HMCN1: variants seen among roughly 807,000 people sequenced by gnomAD.
HMCN1 encodes the protein hemicentin 1, also known as hemicentin-1.
Under a neutral mutation model 625.9 loss-of-function variants are expected in HMCN1, and 321 were observed. The observed-to-expected ratio is 0.51, with a 90% confidence interval of 0.47 to 0.56. The LOEUF (loss-of-function observed/expected upper bound fraction) is 0.56, where lower values mean the gene tolerates loss of function less well. Ranked by LOEUF, HMCN1 falls within the 20% of genes least tolerant of loss-of-function variation. The pLI is 0.00. For missense variants in HMCN1, 6,588 were observed against 6,887.3 expected (o/e 0.96, Z 1.54); for synonymous variants, 2,425 against 2,417.6 (o/e 1.00, Z -0.09).
intron 102 of HMCN1, among the ~76,000 whole-genome samples, chr1:186,174,017 A>AT (rs1266090319): frequency 1.3e-5 from 2 of 152,242 alleles, no homozygotes; most frequent in African/African-American, 4.8e-5. Flanking sequence ...ATAATTTATC[A>AT]TTTAAAGCTT....
intron 1 of HMCN1, among the ~76,000 whole-genome samples, chr1:185,742,312 G>A (rs543050576): frequency 3.3e-5 from 5 of 152,216 alleles, no homozygotes; most frequent in East Asian, 1.9e-4. Context: ...AAATATTGAC[G>A]TTATATATCT....
chr1:186,134,872 G>A (rs964651911), intron 86 of HMCN1, among the ~76,000 whole-genome samples: 22 of 152,002 alleles, frequency 1.4e-4, no homozygotes, highest in African/African-American at 3.1e-4. Flanking sequence ...ATGCTGCCCC[G>A]TTTGCTTTCT....
At chr1:185,860,104 C>G (rs1015335229) in intron 2 of HMCN1, among the ~76,000 whole-genome samples, 2 of 152,182 alleles carry the variant, frequency 1.3e-5, no homozygotes. Context: ...GCTTATTTTT[C>G]TTTTCAGGAC....
chr1:186,125,605 A>G lies in HMCN1; in HGVS notation c.12501A>G (p.Val4167=), dbSNP rs1286317481. ...GACTCTTTTTTAAACTCTTCATAGTACCACCCAGGATCAGAAGTACAGAAG... is the reference window on the plus strand; with the variant it reads ...GACTCTTTTTTAAACTCTTCATAGTGCCACCCAGGATCAGAAGTACAGAAG... ...SSTSTKLTVH[V]PPRIRSTEGH... Residue 4167 remains valine (V), a splice_region_variant and synonymous_variant, in exon 82 of 107, where the codon GTA becomes GTG. Coordinates refer to ENST00000271588, the MANE Select transcript of HMCN1 (RefSeq NM_031935.3). The G allele has an allele frequency of 6.2e-7, 1 of 1,611,616 alleles. No homozygotes were observed. The highest frequency in any genetic ancestry group is 8.5e-7 in the Non-Finnish European group (1 of 1,177,866).
chr1:185,759,889 G>GA (rs572325919), intron 1 of HMCN1, among the ~76,000 whole-genome samples: 247 of 152,218 alleles, frequency 1.6e-3, no homozygotes, highest in South Asian at 5.0e-3. Flanking sequence ...ATAAAGCACA[G>GA]AAGAGTAAAA....
chr1:185,787,610 C>T (rs185264333), intron 1 of HMCN1, among the ~76,000 whole-genome samples: 1 of 152,120 alleles, frequency 6.6e-6, no homozygotes, highest in Admixed American at 6.5e-5. Flanking sequence ...TCTGGCTCCC[C>T]ATCTTCCAGC....
intron 4 of HMCN1, among the ~76,000 whole-genome samples, chr1:185,882,104 G>A (rs1006481978): frequency 6.6e-6 from 1 of 152,102 alleles, no homozygotes; most frequent in Non-Finnish European, 1.5e-5. Context: ...CAGAGTTAAT[G>A]ACTTTTTTTG....
chr1:186,144,038 G>A, intron 89 of HMCN1, 135 bp from the exon 90 acceptor site: 1 of 728,890 alleles, frequency 1.4e-6, no homozygotes, highest in East Asian at 2.8e-5. Flanking sequence ...CATTTGTTAT[G>A]TTTCATTTGG....
At chr1:186,094,561 CTGTT>C (rs1660026075) in intron 67 of HMCN1, among the ~76,000 whole-genome samples, 188 bp downstream of exon 67, 1 of 152,060 alleles carries the variant, frequency 6.6e-6, no homozygotes, top group African/African-American at 2.4e-5. Flanking sequence ...ACCATATTGT[CTGTT>C]TATCAAAATA....
intron 22 of HMCN1, among the ~76,000 whole-genome samples, chr1:185,991,246 T>C (rs935622937): frequency 6.6e-6 from 1 of 152,308 alleles, no homozygotes; most frequent in Non-Finnish European, 1.5e-5. Context: ...TATAAATTCA[T>C]GCTAGTGTCA....
intron 30 of HMCN1, among the ~76,000 whole-genome samples, chr1:186,011,826 G>T (rs1342142237): frequency 1.3e-5 from 2 of 152,112 alleles, no homozygotes; most frequent in South Asian, 2.1e-4. Flanking sequence ...GTAATTTGGG[G>T]TTGGACTCAT....
At chr1:185,800,216 C>A (rs763610589) in intron 1 of HMCN1, among the ~76,000 whole-genome samples, 1 of 152,218 alleles carries the variant, frequency 6.6e-6, no homozygotes, top group East Asian at 1.9e-4. Context: ...GCCCTAGCTC[C>A]CAGTAATCTC....
rs550290670 is a variant in HMCN1 at position 185,969,015 on chromosome 1, C to CA, written c.2213-1314dup. On this transcript the variant is annotated intron_variant, in intron 14 of 106. Transcript: ENST00000271588. ...TTTTATTTTGATAGAAAGCTACTAG[C>CA]AAAAAAGTCTTTATTTTATCCTGTT... 4.6e-5 allele frequency among the ~76,000 whole-genome samples: 7 copies of CA among 152,084 alleles called. No homozygotes were observed. The East Asian group carries it at 7.7e-4, about 17-fold the overall frequency.
intron 68 of HMCN1, among the ~76,000 whole-genome samples, chr1:186,098,291 C>T (rs1487664155): frequency 6.6e-6 from 1 of 151,944 alleles, no homozygotes; most frequent in Non-Finnish European, 1.5e-5. Flanking sequence ...GAAAATATTT[C>T]AAACTATACC....
chr1:186,187,992 A>G lies in HMCN1; in HGVS notation c.16524A>G (p.Gln5508=). ...ATACACCCTGTCCACCCAACTACCA[A>G]CGGGATCCTGTTTCAGGGTATGTCT... The part of the protein sequence containing the change: ...CIDTPCPPNY[Q]RDPVSGFCLK... Residue 5508 remains glutamine, a synonymous_variant, in exon 106 of 107, where the codon CAA becomes CAG. Coordinates refer to ENST00000271588, the MANE Select transcript of HMCN1 (RefSeq NM_031935.3). 1 of 1,613,684 alleles carries G rather than the reference A, an allele frequency of 6.2e-7. No homozygotes were observed. The highest frequency in any genetic ancestry group is 8.5e-7 in the Non-Finnish European group (1 of 1,179,748).
intron 11 of HMCN1, among the ~76,000 whole-genome samples, chr1:185,946,008 A>AG (rs1668322532): frequency 6.6e-6 from 1 of 152,196 alleles, no homozygotes; most frequent in Non-Finnish European, 1.5e-5. Context: ...AAAGGCTAAA[A>AG]GCATGGTCTG....
chr1:186,068,248 G>A lies in HMCN1; in HGVS notation c.7879+241G>A, dbSNP rs565352191. On this transcript the variant is annotated intron_variant, in intron 50 of 106. Transcript: ENST00000271588. ...ATCAGAAGAATACCTAAATTAAAAGGCAAATAAATAAATGCCACAATGTAA... is the reference window on the plus strand; with the variant it reads ...ATCAGAAGAATACCTAAATTAAAAGACAAATAAATAAATGCCACAATGTAA... 6.2e-4 allele frequency among the ~76,000 whole-genome samples: 94 copies of A among 152,080 alleles called. 1 individual carries two copies. The highest frequency in any genetic ancestry group is 9.7e-4 in the Non-Finnish European group (66 of 67,964).
chr1:185,936,878 G>A lies in HMCN1; in HGVS notation c.1828+3054G>A, dbSNP rs186665527. Among the ~76,000 whole-genome samples the A allele has an allele frequency of 1.4e-4, 21 of 152,274 alleles. No individual in the cohort carries two copies. In the East Asian group the frequency reaches 3.3e-3, roughly 24 times the overall value. Reference sequence around the variant, plus strand: ...CACTCAGCTGCAGAGCTGAAAAGGGGGTTCAGCTCCTCCAGAACAGAAGCA... The same window carrying A: ...CACTCAGCTGCAGAGCTGAAAAGGGAGTTCAGCTCCTCCAGAACAGAAGCA... On this transcript the variant is annotated intron_variant, in intron 11 of 106. Transcript: ENST00000271588.
Position 186,093,202 on chromosome 1 carries a change from G to A in HMCN1, c.9956G>A (p.Cys3319Tyr), listed in dbSNP as rs757917437. Reference protein sequence around the residue: ...ALTSDTGKYTCVATNPAGEED... With the variant: ...ALTSDTGKYTYVATNPAGEED... Reference sequence around the variant, plus strand: ...ACATCTGACACGGGGAAATACACATGTGTTGCTACTAATCCCGCTGGAGAA... The same window carrying A: ...ACATCTGACACGGGGAAATACACATATGTTGCTACTAATCCCGCTGGAGAA... Residue 3319 changes from cysteine to tyrosine, a missense_variant, in exon 65 of 107, where the codon TGT (cysteine) becomes TAT (tyrosine). Coordinates refer to ENST00000271588, the MANE Select transcript of HMCN1 (RefSeq NM_031935.3). 2 of 1,613,340 alleles carry A rather than the reference G, an allele frequency of 1.2e-6. No homozygotes were observed. The highest frequency in any genetic ancestry group is 2.7e-5 in the African/African-American group (2 of 74,976).
Sources: gnomAD v4.1 joint callset for allele counts (sites outside exome capture counted in the v4.1 genomes callset) on GRCh38, gnomAD v4.1.1 for gene constraint, MANE v1.5 for transcripts, NCBI Gene and HGNC (gene_info 2026-07-23, HGNC 2026-07-21) for gene names.